TLN2: variants seen among roughly 807,000 people sequenced by gnomAD.
The protein encoded by TLN2 is talin 2.
TLN2 carries 118 observed loss-of-function variants against 294.7 expected under a neutral mutation model. That is an observed-to-expected ratio of 0.40 (90% confidence interval 0.34 to 0.47). The LOEUF (loss-of-function observed/expected upper bound fraction) is 0.47. TLN2 is among the 20% of genes least tolerant of loss of function. The probability of loss-of-function intolerance (pLI) is 0.84; values close to 1 mark genes in which losing one functional copy is unlikely to be tolerated. For synonymous variants in TLN2, 1,431 were observed against 1,304.5 expected, an observed-to-expected ratio of 1.10 and a Z score of -2.09; for missense variants, 3,083 against 3,282.2, an observed-to-expected ratio of 0.94 and a Z score of 1.48.
At chr15:62,709,585 A>G (rs1011340862) in intron 21 of TLN2, among the ~76,000 whole-genome samples, 4 of 152,226 alleles carry the variant, frequency 2.6e-5, no homozygotes, top group Non-Finnish European at 5.9e-5. Flanking sequence ...CCTAATATAC[A>G]GTCAGTTTAA....
Position 62,697,740 on chromosome 15 carries a change from T to C in TLN2, c.1345T>C (p.Ser449Pro). 1.2e-6 allele frequency: 2 copies of C among 1,611,916 alleles called. No homozygotes were observed. Among genetic ancestry groups the C allele is most frequent in the Non-Finnish European group, 1.7e-6 (2 of 1,178,580 alleles). ...FNRTGKAEHG[S>P]VALPAVMRSG... ...CCGGACCGGGAAGGCAGAGCACGGC[T>C]CAGTGGCGCTGCCGGCCGTGATGCG... The change falls in exon 15 of 59, where the codon TCA becomes CCA. Residue 449 changes from serine (S) to proline (P), a missense_variant. Physicochemically the swap from Ser to Pro is moderately conservative, Grantham distance 74. Transcript: ENST00000636159.
Position 62,711,992 on chromosome 15 carries a change from A to G in TLN2, c.2549A>G (p.Glu850Gly). The G allele has an allele frequency of 6.2e-7, 1 of 1,614,206 alleles. No homozygotes were observed. The highest frequency in any genetic ancestry group is 2.2e-5 in the East Asian group (1 of 44,886). ...VNAMRSDAEA[E>G]IDMENSKKLL... Reference sequence around the variant, plus strand: ...GCCATGAGGTCAGATGCAGAAGCCGAAATCGACATGGAGAATTCAAAGAAG... The same window carrying G: ...GCCATGAGGTCAGATGCAGAAGCCGGAATCGACATGGAGAATTCAAAGAAG... The change falls in exon 22 of 59, where the codon GAA becomes GGA. Residue 850 changes from glutamate (E) to glycine (G), a missense_variant. By Grantham distance (98) the Glu-to-Gly change is moderately conservative. Coordinates refer to ENST00000636159, the MANE Select transcript of TLN2 (RefSeq NM_015059.3).
At chr15:62,432,022 G>A (rs916706449) in intron 1 of TLN2, among the ~76,000 whole-genome samples, 1 of 152,202 alleles carries the variant, frequency 6.6e-6, no homozygotes, top group African/African-American at 2.4e-5. Context: ...GCTCCTGAAT[G>A]CAGACAACAA....
chr15:62,639,525 A>C (rs1308247030), intron 3 of TLN2, among the ~76,000 whole-genome samples: 1 of 152,230 alleles, frequency 6.6e-6, no homozygotes, highest in African/African-American at 2.4e-5. Context: ...TCTTGCCTCC[A>C]TAAGGGAGAA....
At position 62,772,828 on chromosome 15, in the gene TLN2, A is replaced by G. The variant is rs553329080; in HGVS notation, c.5367+1694A>G. On this transcript the variant is annotated intron_variant, in intron 42 of 58. Coordinates refer to ENST00000636159, the MANE Select transcript of TLN2 (RefSeq NM_015059.3). ...CAGGTGCCTGCCACCACACCCAGCTAATTTTTTGTATTTTTAGTAGAGATG... is the reference window on the plus strand; with the variant it reads ...CAGGTGCCTGCCACCACACCCAGCTGATTTTTTGTATTTTTAGTAGAGATG... 8.6e-5 allele frequency among the ~76,000 whole-genome samples: 13 copies of G among 151,478 alleles called. No individual in the cohort carries two copies. In the East Asian group the frequency reaches 2.4e-3, roughly 27 times the overall value.
chr15:62,500,813 G>A (rs2039266259), intron 1 of TLN2, among the ~76,000 whole-genome samples: 2 of 152,172 alleles, frequency 1.3e-5, no homozygotes, highest in African/African-American at 4.8e-5. Flanking sequence ...TATTTAATAT[G>A]CATACTCTTC....
At chr15:62,425,621 T>C (rs1185580831) in intron 1 of TLN2, among the ~76,000 whole-genome samples, 2 of 152,192 alleles carry the variant, frequency 1.3e-5, no homozygotes, top group Admixed American at 1.3e-4. Context: ...GTCTTCCTGC[T>C]TTGGTGTTTG....
chr15:62,741,629 G>T (rs1035321347), intron 32 of TLN2, among the ~76,000 whole-genome samples: 15 of 152,072 alleles, frequency 9.9e-5, no homozygotes, highest in Admixed American at 2.6e-4. Context: ...TTAAAAGCAG[G>T]ACTATTAGGG....
At chr15:62,408,373 C>T (rs1209452656) in intron 1 of TLN2, among the ~76,000 whole-genome samples, 1 of 152,196 alleles carries the variant, frequency 6.6e-6, no homozygotes, top group East Asian at 1.9e-4. Context: ...GCCTGGGCCC[C>T]AGCCCCAGAG....
intron 15 of TLN2, among the ~76,000 whole-genome samples, chr15:62,698,502 T>C (rs1359253167): frequency 2.0e-5 from 3 of 152,212 alleles, no homozygotes; most frequent in African/African-American, 7.2e-5. Flanking sequence ...TCTTGTCAGC[T>C]AATTAAGCTC....
chr15:62,558,427 A>G (rs1212091220), intron 1 of TLN2, among the ~76,000 whole-genome samples: 6 of 152,126 alleles, frequency 3.9e-5, no homozygotes, highest in Non-Finnish European at 5.9e-5. Context: ...CTGAGCACCT[A>G]CCACATATGT....
At chr15:62,540,491 A>G (rs1482175927) in intron 1 of TLN2, among the ~76,000 whole-genome samples, 1 of 151,878 alleles carries the variant, frequency 6.6e-6, no homozygotes, top group Non-Finnish European at 1.5e-5. Flanking sequence ...TTATGAGAAT[A>G]TGGACAAGCA....
At chr15:62,580,555 C>T (rs1391845437) in intron 1 of TLN2, among the ~76,000 whole-genome samples, 7 of 152,036 alleles carry the variant, frequency 4.6e-5, no homozygotes, top group South Asian at 2.1e-4. Flanking sequence ...GTACTATAGG[C>T]GCATACCACC....
chr15:62,468,005 T>C (rs2037240606), intron 1 of TLN2, among the ~76,000 whole-genome samples: 1 of 152,180 alleles, frequency 6.6e-6, no homozygotes, highest in African/African-American at 2.4e-5. Context: ...TTAGAAAGAA[T>C]AAACAACAAT....
intron 1 of TLN2, among the ~76,000 whole-genome samples, chr15:62,523,908 A>G (rs975161708): frequency 6.6e-6 from 1 of 152,330 alleles, no homozygotes; most frequent in African/African-American, 2.4e-5. Flanking sequence ...TCCTGTATTG[A>G]ACATACCGAT....
chr15:62,644,565 A>G (rs1232698992), intron 3 of TLN2: 4 of 455,878 alleles, frequency 8.8e-6, no homozygotes, highest in Non-Finnish European at 1.8e-5. Flanking sequence ...GTTTTCCTTC[A>G]TGTCCTCCTG....
intron 58 of TLN2, 42 bp from the exon 59 acceptor site, chr15:62,840,440 T>C: frequency 1.2e-6 from 2 of 1,610,376 alleles, no homozygotes; most frequent in Non-Finnish European, 8.5e-7. Flanking sequence ...GAGGGTTTTC[T>C]ACAAAGTGTT....
chr15:62,639,267 A>G (rs2050729793), intron 3 of TLN2, among the ~76,000 whole-genome samples: 1 of 151,984 alleles, frequency 6.6e-6, no homozygotes, highest in African/African-American at 2.4e-5. Flanking sequence ...CTATGTGTAT[A>G]TCTATATCTA....
At chr15:62,701,971 G>A in intron 17 of TLN2, 21 bp from the exon 18 acceptor site, 1 of 1,612,872 alleles carries the variant, frequency 6.2e-7, no homozygotes, top group Non-Finnish European at 8.5e-7. Context: ...CTTTGATGGG[G>A]ATGGTTCTTT....
Sources: gnomAD v4.1 joint callset for allele counts (sites outside exome capture counted in the v4.1 genomes callset) on GRCh38, gnomAD v4.1.1 for gene constraint, MANE v1.5 for transcripts, NCBI Gene and HGNC (gene_info 2026-07-23, HGNC 2026-07-21) for gene names.